The following MTUS2 variants were observed in gnomAD, a reference collection of about 807,000 sequenced individuals.
The protein encoded by MTUS2 is microtubule-associated tumor suppressor candidate 2.
MTUS2 carries 40 observed loss-of-function variants against 114.1 expected under a neutral mutation model. The ratio of observed to expected loss-of-function variants is 0.35; its 90% CI spans 0.27 to 0.46. MTUS2 has a LOEUF of 0.46. MTUS2 is among the 20% of genes least tolerant of loss of function. The pLI, the probability that MTUS2 is intolerant of heterozygous loss-of-function variation, is 1.00. For synonymous variants in MTUS2, 688 were observed against 672.0 expected, an observed-to-expected ratio of 1.02 and a Z score of -0.37; for missense variants, 1,679 against 1,705.4, an observed-to-expected ratio of 0.98 and a Z score of 0.27.
At position 29,501,109 on chromosome 13, in the gene MTUS2, A is replaced by G. The variant is rs775206723; in HGVS notation, c.3811A>G (p.Ile1271Val). 16 of 1,614,018 alleles carry G rather than the reference A, an allele frequency of 9.9e-6. No individual in the cohort carries two copies. The South Asian group carries it at 1.5e-4, about 16-fold the overall frequency. Residue 1271 changes from isoleucine to valine, a missense_variant, in exon 15 of 16, where the codon ATT (isoleucine) becomes GTT (valine). Ile to Val is a conservative substitution (Grantham distance 29, BLOSUM62 3). Transcript: ENST00000612955. ...GTTTCCTTTGTAGGCAGAAAAGAAC[A>G]TTATCCTAGAAGAAAAGATCCAGGT... ...LELEKLAEKN[I>V]ILEEKIQVLQ...
chr13:28,894,286 G>C (rs1438760575), intron 2 of MTUS2, among the ~76,000 whole-genome samples: 2 of 31,322 alleles, frequency 6.4e-5, no homozygotes, highest in Non-Finnish European at 1.2e-4. Context: ...TGGTGGGGGG[G>C]GGGGAGAGAG....
At chr13:29,419,241 C>T (rs1274665996) in intron 8 of MTUS2, among the ~76,000 whole-genome samples, 3 of 152,148 alleles carry the variant, frequency 2.0e-5, no homozygotes, top group Non-Finnish European at 4.4e-5. Flanking sequence ...CATTACAGGT[C>T]TAGAAGCAAA....
intron 5 of MTUS2, among the ~76,000 whole-genome samples, chr13:29,245,741 G>T (rs1896899040): frequency 7.2e-6 from 1 of 138,474 alleles, no homozygotes; most frequent in African/African-American, 2.7e-5. Context: ...CTGTCACCCA[G>T]GCTGGAGTGC....
chr13:29,199,031 T>G (rs980186196), intron 5 of MTUS2, among the ~76,000 whole-genome samples: 1 of 152,216 alleles, frequency 6.6e-6, no homozygotes, highest in Non-Finnish European at 1.5e-5. Context: ...TGACTTCCTC[T>G]CTTCCTGTTC....
At chr13:29,248,976 G>A (rs151177152) in intron 5 of MTUS2, among the ~76,000 whole-genome samples, 53 of 151,806 alleles carry the variant, frequency 3.5e-4, no homozygotes, top group African/African-American at 9.7e-4. Context: ...GATTTCTTTC[G>A]TTCGTTTGTT....
intron 5 of MTUS2, among the ~76,000 whole-genome samples, chr13:29,131,671 G>T (rs982732381): frequency 2.0e-5 from 3 of 152,262 alleles, no homozygotes; most frequent in African/African-American, 7.2e-5. Flanking sequence ...AAGATGAGAG[G>T]CTGCACTCTT....
chr13:29,130,206 T>A (rs867070035), intron 5 of MTUS2, among the ~76,000 whole-genome samples: 1 of 152,140 alleles, frequency 6.6e-6, no homozygotes, highest in South Asian at 2.1e-4. Flanking sequence ...TTAACTCAGA[T>A]CAAATTTCTC....
intron 9 of MTUS2, among the ~76,000 whole-genome samples, chr13:29,450,207 C>T (rs954357836): frequency 8.5e-5 from 13 of 152,084 alleles, no homozygotes; most frequent in African/African-American, 2.9e-4. Flanking sequence ...AACTAAGTCA[C>T]AAGTCAAATT....
chr13:29,079,559 C>A (rs1196683139), intron 4 of MTUS2, among the ~76,000 whole-genome samples: 2 of 152,116 alleles, frequency 1.3e-5, no homozygotes. Context: ...CACCTTGAAG[C>A]TTTTAATTCA....
At chr13:29,336,272 A>T (rs1901058143) in intron 7 of MTUS2, among the ~76,000 whole-genome samples, 1 of 149,674 alleles carries the variant, frequency 6.7e-6, no homozygotes, top group Non-Finnish European at 1.5e-5. Flanking sequence ...CCTCATCTTC[A>T]TAGATTTATC....
chr13:29,226,982 G>A (rs1193517054), intron 5 of MTUS2, among the ~76,000 whole-genome samples: 2 of 152,102 alleles, frequency 1.3e-5, no homozygotes, highest in African/African-American at 4.8e-5. Context: ...TAGGGGCTGG[G>A]GGCGGTGGGT....
At chr13:29,332,779 C>T (rs1381537152) in intron 7 of MTUS2, among the ~76,000 whole-genome samples, 3 of 151,394 alleles carry the variant, frequency 2.0e-5, no homozygotes, top group East Asian at 3.9e-4. Context: ...GGACTACAGG[C>T]GCCCGCCACT....
intron 5 of MTUS2, among the ~76,000 whole-genome samples, chr13:29,202,934 G>A (rs1409719284): frequency 6.6e-6 from 1 of 152,216 alleles, no homozygotes; most frequent in Admixed American, 6.5e-5. Flanking sequence ...CCTTTATGAG[G>A]TGTCTGTTGA....
intron 6 of MTUS2, among the ~76,000 whole-genome samples, chr13:29,283,880 A>G (rs561741004): frequency 1.1e-4 from 17 of 152,346 alleles, no homozygotes; most frequent in African/African-American, 3.6e-4. Context: ...TACCCTACCA[A>G]TCATACTGGC....
intron 4 of MTUS2, among the ~76,000 whole-genome samples, chr13:29,081,448 G>A (rs1889436267): frequency 1.3e-5 from 2 of 151,996 alleles, no homozygotes; most frequent in South Asian, 4.2e-4. Context: ...GAGGCTTATA[G>A]CCTGAGGCCA....
At chr13:29,046,531 A>C (rs1887627254) in intron 4 of MTUS2, among the ~76,000 whole-genome samples, 1 of 151,606 alleles carries the variant, frequency 6.6e-6, no homozygotes, top group South Asian at 2.1e-4. Flanking sequence ...CTTTGAACAA[A>C]CCCATCTGCC....
Position 29,503,039 on chromosome 13 carries a change from G to A in MTUS2, c.3943G>A (p.Glu1315Lys). ...TAACCTCCAGGAATATGTTGAGAAG[G>A]AAACCCAGGAGAAGAAGAGATTGAG... ...NANLQEYVEK[E>K]TQEKKRLSRT... The change falls in exon 16 of 16, where the codon GAA becomes AAA. Residue 1315 changes from glutamate to lysine, a missense_variant. Coordinates refer to ENST00000612955, the MANE Select transcript of MTUS2 (RefSeq NM_001033602.4). The A allele has an allele frequency of 6.2e-7, 1 of 1,614,216 alleles. No homozygotes were observed. The highest frequency in any genetic ancestry group is 8.5e-7 in the Non-Finnish European group (1 of 1,180,034).
Position 29,117,436 on chromosome 13 carries a change from G to A in MTUS2, c.2644+16466G>A, listed in dbSNP as rs567228363. ...ATCTTTTAGTGGCTTCCATGCTCGCGTTAAGTATTAGCAGATGCTGGTGTC... is the reference window on the plus strand; with the variant it reads ...ATCTTTTAGTGGCTTCCATGCTCGCATTAAGTATTAGCAGATGCTGGTGTC... On this transcript the variant is annotated intron_variant, in intron 5 of 15. Transcript: ENST00000612955. Among the ~76,000 whole-genome samples the A allele has an allele frequency of 8.9e-4, 136 of 152,222 alleles. 1 individual carries two copies. Among genetic ancestry groups the A allele is most frequent in the African/African-American group, 3.2e-3 (132 of 41,538 alleles).
At chr13:29,166,492 C>A (rs1893323457) in intron 5 of MTUS2, among the ~76,000 whole-genome samples, 1 of 152,190 alleles carries the variant, frequency 6.6e-6, no homozygotes, top group South Asian at 2.1e-4. Context: ...CAGCCCCAGA[C>A]CCATTATCTG....
Sources: gnomAD v4.1 joint callset for allele counts (sites outside exome capture counted in the v4.1 genomes callset) on GRCh38, gnomAD v4.1.1 for gene constraint, MANE v1.5 for transcripts, NCBI Gene and HGNC (gene_info 2026-07-23, HGNC 2026-07-21) for gene names.